NAALADL2: variants seen among roughly 807,000 people sequenced by gnomAD.
NAALADL2 encodes inactive N-acetylated-alpha-linked acidic dipeptidase-like protein 2.
NAALADL2 carries 76 observed loss-of-function variants against 87.2 expected under a neutral mutation model. The observed-to-expected ratio is 0.87, with a 90% CI of 0.72 to 1.05. NAALADL2 has a LOEUF of 1.05. Ranked by LOEUF, NAALADL2 falls within the 50% of genes least tolerant of loss-of-function variation. The pLI is 0.00. For synonymous variants in NAALADL2, 354 were observed against 331.0 expected (o/e 1.07, Z -0.75); for missense variants, 1,089 against 945.8 (o/e 1.15, Z -1.99).
intron 1 of NAALADL2, among the ~76,000 whole-genome samples, chr3:175,008,803 G>C (rs890517912): frequency 1.3e-5 from 2 of 151,522 alleles, no homozygotes; most frequent in African/African-American, 4.9e-5. Context: ...TTCCATGTTT[G>C]GTCCAGCCAT....
chr3:175,379,485 C>T (rs1767533251), intron 5 of NAALADL2, among the ~76,000 whole-genome samples: 1 of 151,280 alleles, frequency 6.6e-6, no homozygotes, highest in South Asian at 2.1e-4. Flanking sequence ...GTTTTTACGT[C>T]TCGTATGGTT....
At chr3:175,039,685 G>GAAATAGTAAACTTACT (rs1753819351) in intron 1 of NAALADL2, among the ~76,000 whole-genome samples, 1 of 152,110 alleles carries the variant, frequency 6.6e-6, no homozygotes, top group African/African-American at 2.4e-5. Flanking sequence ...CTAGACAAGT[G>GAAATAGTAAACTTACT]AAACAGTAGA....
intron 5 of NAALADL2, among the ~76,000 whole-genome samples, chr3:175,432,769 C>T (rs1717982024): frequency 2.0e-5 from 3 of 152,052 alleles, no homozygotes; most frequent in Admixed American, 2.0e-4. Flanking sequence ...TTTAAAAGCA[C>T]TTCTTATTTT....
chr3:174,616,924 A>G (rs1244150072), intron 2 of NAALADL2, among the ~76,000 whole-genome samples: 2 of 151,900 alleles, frequency 1.3e-5, no homozygotes, highest in Non-Finnish European at 3.0e-5. Flanking sequence ...ACTTATATAT[A>G]CCTGTTGTAT....
At chr3:174,681,154 G>A (rs1407592673) in intron 2 of NAALADL2, among the ~76,000 whole-genome samples, 1 of 152,272 alleles carries the variant, frequency 6.6e-6, no homozygotes, top group East Asian at 1.9e-4. Context: ...CCAGCACCCA[G>A]CCAGAGGGGT....
intron 10 of NAALADL2, among the ~76,000 whole-genome samples, chr3:175,587,655 T>C (rs902460484): frequency 6.6e-6 from 1 of 152,124 alleles, no homozygotes; most frequent in African/African-American, 2.4e-5. Flanking sequence ...GTTCTTAGAC[T>C]CCCGAGAATC....
intron 1 of NAALADL2, chr3:175,079,365 A>G (rs1285162037): frequency 6.6e-6 from 1 of 152,148 alleles, no homozygotes; most frequent in Non-Finnish European, 1.5e-5. Context: ...GTGTTCTCCC[A>G]TTGGTGGGTT....
intron 4 of NAALADL2, among the ~76,000 whole-genome samples, chr3:175,286,985 A>AGGGGGGGGGGGGGGG (rs1755052383): frequency 4.5e-5 from 1 of 22,254 alleles, no homozygotes; most frequent in Non-Finnish European, 9.1e-5. Flanking sequence ...GTGGGGGTGG[A>AGGGGGGGGGGGGGGG]GGGGTGTGGG....
intron 1 of NAALADL2, among the ~76,000 whole-genome samples, chr3:175,019,824 A>G (rs1037538637): frequency 6.6e-6 from 1 of 152,088 alleles, no homozygotes; most frequent in Non-Finnish European, 1.5e-5. Context: ...CTCTTATGCA[A>G]ATTATTTAGT....
intron 11 of NAALADL2, among the ~76,000 whole-genome samples, chr3:175,638,223 T>C (rs1435590106): frequency 6.6e-6 from 1 of 152,184 alleles, no homozygotes; most frequent in East Asian, 1.9e-4. Context: ...TAGAGATATT[T>C]ATTCGATCCA....
intron 12 of NAALADL2, among the ~76,000 whole-genome samples, chr3:175,741,336 A>G (rs1017143740): frequency 1.3e-5 from 2 of 152,138 alleles, no homozygotes; most frequent in Admixed American, 6.5e-5. Flanking sequence ...TTAAAAGGGC[A>G]CTAATTTAAT....
intron 3 of NAALADL2, among the ~76,000 whole-genome samples, chr3:174,779,397 G>T (rs1481071685): frequency 6.6e-6 from 1 of 151,898 alleles, no homozygotes; most frequent in South Asian, 2.1e-4. Flanking sequence ...TGGATAGATT[G>T]CAAAAATGTT....
chr3:175,112,667 T>C (rs1724396514), intron 2 of NAALADL2: 1 of 151,682 alleles, frequency 6.6e-6, no homozygotes, highest in Non-Finnish European at 1.5e-5. Context: ...ATAATTTAGT[T>C]GAATTAAAAC....
intron 2 of NAALADL2, among the ~76,000 whole-genome samples, chr3:174,566,496 C>T (rs941828126): frequency 6.6e-6 from 1 of 151,706 alleles, no homozygotes; most frequent in Admixed American, 6.6e-5. Flanking sequence ...AGCATGTATT[C>T]TTTTAATTGC....
At chr3:175,765,887 G>T (rs1481687173) in intron 13 of NAALADL2, among the ~76,000 whole-genome samples, 6 of 152,014 alleles carry the variant, frequency 3.9e-5, no homozygotes, top group African/African-American at 1.4e-4. Flanking sequence ...AGAAAACCGA[G>T]GCTTAGGAAA....
intron 2 of NAALADL2, among the ~76,000 whole-genome samples, chr3:174,680,363 T>G (rs911945802): frequency 6.6e-6 from 1 of 152,206 alleles, no homozygotes; most frequent in Non-Finnish European, 1.5e-5. Flanking sequence ...GACTACTGCT[T>G]TTGACAGTCT....
At chr3:174,453,122 A>G (rs889260176) in intron 1 of NAALADL2, among the ~76,000 whole-genome samples, 1 of 152,204 alleles carries the variant, frequency 6.6e-6, no homozygotes, top group Admixed American at 6.5e-5. Context: ...AACACACTAT[A>G]AGAATTTTGT....
At chr3:175,778,285 G>A (rs550686918) in intron 13 of NAALADL2, among the ~76,000 whole-genome samples, 13 of 152,314 alleles carry the variant, frequency 8.5e-5, no homozygotes, top group African/African-American at 2.9e-4. Flanking sequence ...TAGGAAAGTA[G>A]AGTAGTTACA....
chr3:174,508,131 T>TTTTTTTTTTTTG (rs71162394), intron 1 of NAALADL2, among the ~76,000 whole-genome samples: 1 of 148,992 alleles, frequency 6.7e-6, no homozygotes, highest in Admixed American at 6.7e-5. Flanking sequence ...TTTTTTTTTT[T>TTTTTTTTTTTTG]GAGACGAAGT....
Sources: allele counts gnomAD v4.1 joint callset (sites outside exome capture counted in the v4.1 genomes callset), GRCh38; gene constraint gnomAD v4.1.1; transcripts MANE v1.5; gene names NCBI Gene and HGNC (gene_info 2026-07-23, HGNC 2026-07-21).